The following CRTAM variants were observed in gnomAD, a reference collection of about 807,000 sequenced individuals.
The protein encoded by CRTAM is cytotoxic and regulatory T-cell molecule.
In CRTAM, 44 loss-of-function variants were observed where a neutral mutation model predicts 50.0. That is an observed-to-expected ratio of 0.88 (90% CI 0.69 to 1.13). The LOEUF is 1.13. CRTAM is among the 50% of genes most tolerant of loss of function. The pLI, the probability that CRTAM is intolerant of heterozygous loss-of-function variation, is 0.00. For missense variants in CRTAM, 448 were observed against 457.5 expected (o/e 0.98, Z 0.19); for synonymous variants, 159 against 169.3 (o/e 0.94, Z 0.47).
chr11:122,845,841 G>A (rs1172435206), intron 1 of CRTAM, among the ~76,000 whole-genome samples: 2 of 152,136 alleles, frequency 1.3e-5, no homozygotes, highest in Non-Finnish European at 2.9e-5. Context: ...GTGTGCTGAT[G>A]AGAATGACAG....
At chr11:122,841,569 T>C (rs1267449398) in intron 1 of CRTAM, among the ~76,000 whole-genome samples, 1 of 151,908 alleles carries the variant, frequency 6.6e-6, no homozygotes, top group Non-Finnish European at 1.5e-5. Flanking sequence ...CCTGGCTAAT[T>C]TTTTGTATTT....
intron 1 of CRTAM, among the ~76,000 whole-genome samples, chr11:122,844,967 T>C (rs1861844000): frequency 6.6e-6 from 1 of 152,194 alleles, no homozygotes; most frequent in African/African-American, 2.4e-5. Context: ...CAAGAGTTTG[T>C]GTTGTACTTG....
chr11:122,847,744 A>T (rs1260791623), intron 1 of CRTAM, among the ~76,000 whole-genome samples: 1 of 152,226 alleles, frequency 6.6e-6, no homozygotes, highest in Non-Finnish European at 1.5e-5. Context: ...ACATGGACAA[A>T]CTACAGTATA....
chr11:122,861,428 T>C, intron 5 of CRTAM, among the ~76,000 whole-genome samples: 1 of 74,968 alleles, frequency 1.3e-5, no homozygotes, highest in Non-Finnish European at 2.6e-5. Flanking sequence ...ATATTTTTTT[T>C]TTTTTTTTTT....
intron 5 of CRTAM, among the ~76,000 whole-genome samples, chr11:122,857,845 G>A (rs1235348557): frequency 6.6e-6 from 1 of 152,174 alleles, no homozygotes; most frequent in Non-Finnish European, 1.5e-5. Flanking sequence ...AAGCCACAGT[G>A]TGATGCTTCG....
chr11:122,843,199 G>A (rs970236910), intron 1 of CRTAM, among the ~76,000 whole-genome samples: 1 of 152,152 alleles, frequency 6.6e-6, no homozygotes, highest in East Asian at 1.9e-4. Context: ...ATGTGCTTTG[G>A]TGTAAAGCCA....
chr11:122,863,284 GAAAAAGAAAGAAAGAGAGAAAGA>G (rs1862115904), intron 6 of CRTAM, among the ~76,000 whole-genome samples: 1 of 117,700 alleles, frequency 8.5e-6, no homozygotes, highest in Non-Finnish European at 1.8e-5. Context: ...AAGAAAGAAA[GAAAAAGAAAGAAAGAGAGAAAGA>G]AAAGAAAGAA....
At chr11:122,856,856 T>G (rs907717714) in intron 5 of CRTAM, among the ~76,000 whole-genome samples, 1 of 152,168 alleles carries the variant, frequency 6.6e-6, no homozygotes, top group Non-Finnish European at 1.5e-5. Context: ...GTAAGACTCA[T>G]GGACCTACAG....
intron 9 of CRTAM, 89 bp downstream of exon 9, chr11:122,868,188 A>ATATGTGTGTGTG: frequency 2.3e-6 from 1 of 438,344 alleles, no homozygotes; most frequent in Non-Finnish European, 4.2e-6. Flanking sequence ...ACAACAGAAT[A>ATATGTGTGTGTG]TGTGTGTGTG....
intron 9 of CRTAM, among the ~76,000 whole-genome samples, chr11:122,869,009 A>G (rs10892920): frequency 0.76 from 114,954 of 151,902 alleles, 44,244 homozygotes; most frequent in Middle Eastern, 0.91. Context: ...ACTCCACCTC[A>G]AAAAAATAAA....
intron 5 of CRTAM, among the ~76,000 whole-genome samples, chr11:122,857,997 A>G (rs553420303): frequency 2.6e-5 from 4 of 152,196 alleles, no homozygotes; most frequent in African/African-American, 9.6e-5. Context: ...TGCAGCCTCA[A>G]TCTTCCAGGT....
At chr11:122,855,032 C>T (rs1861986917) in intron 4 of CRTAM, among the ~76,000 whole-genome samples, 1 of 152,306 alleles carries the variant, frequency 6.6e-6, no homozygotes, top group South Asian at 2.1e-4. Context: ...CAACCTCTGC[C>T]TCCTGGGTTG....
At chr11:122,846,131 T>C (rs982539090) in intron 1 of CRTAM, among the ~76,000 whole-genome samples, 1 of 152,102 alleles carries the variant, frequency 6.6e-6, no homozygotes, top group African/African-American at 2.4e-5. Context: ...CAAGTGGAGA[T>C]ACCGGGTACC....
At chr11:122,861,596 C>T (rs10128632) in intron 5 of CRTAM, among the ~76,000 whole-genome samples, 5,257 of 151,270 alleles carry the variant, frequency 0.035, 187 homozygotes, top group Admixed American at 0.081. Context: ...CACACCACCA[C>T]GCCCGGCTAG....
At chr11:122,860,775 T>C (rs572255878) in intron 5 of CRTAM, among the ~76,000 whole-genome samples, 8 of 152,176 alleles carry the variant, frequency 5.3e-5, no homozygotes, top group Admixed American at 2.6e-4. Context: ...GTAATCACGG[T>C]TCACAGCAGC....
At chr11:122,857,751 G>C (rs185507486) in intron 5 of CRTAM, among the ~76,000 whole-genome samples, 130 of 152,282 alleles carry the variant, frequency 8.5e-4, no homozygotes, top group South Asian at 1.9e-3. Flanking sequence ...CCTGTGCTCT[G>C]CATGGAAGGA....
intron 5 of CRTAM, among the ~76,000 whole-genome samples, chr11:122,859,522 C>T (rs574630658): frequency 4.6e-5 from 7 of 152,060 alleles, no homozygotes; most frequent in Admixed American, 2.0e-4. Flanking sequence ...TCTAGCTTAA[C>T]GGAAAACAAT....
At chr11:122,856,238 A>T (rs972970225) in intron 5 of CRTAM, among the ~76,000 whole-genome samples, 1 of 152,282 alleles carries the variant, frequency 6.6e-6, no homozygotes, top group Non-Finnish European at 1.5e-5. Flanking sequence ...TAAATTGTCA[A>T]TATCATTTTA....
chr11:122,865,680 T>C (rs1342297738), intron 7 of CRTAM, among the ~76,000 whole-genome samples: 1 of 152,176 alleles, frequency 6.6e-6, no homozygotes, highest in Non-Finnish European at 1.5e-5. Context: ...CTGAATTTTC[T>C]GTGATTTCCC....
Sources: gnomAD v4.1 joint callset for allele counts (sites outside exome capture counted in the v4.1 genomes callset) on GRCh38, gnomAD v4.1.1 for gene constraint, MANE v1.5 for transcripts, NCBI Gene and HGNC (gene_info 2026-07-23, HGNC 2026-07-21) for gene names.